TNR: variants seen among roughly 807,000 people sequenced by gnomAD.
The protein encoded by TNR is tenascin R.
A neutral mutation model predicts 150.4 loss-of-function variants in TNR; 45 were observed. The observed-to-expected ratio is 0.30, with a 90% CI of 0.24 to 0.38. The LOEUF is 0.38. Ranked by LOEUF, TNR falls within the 10% of genes least tolerant of loss-of-function variation. TNR has a pLI of 1.00. For synonymous variants in TNR, 687 were observed against 678.4 expected, an observed-to-expected ratio of 1.01 and a Z score of -0.20; for missense variants, 1,544 against 1,759.1, an observed-to-expected ratio of 0.88 and a Z score of 2.19.
intron 1 of TNR, among the ~76,000 whole-genome samples, chr1:175,706,184 A>G (rs1666838424): frequency 6.6e-6 from 1 of 152,250 alleles, no homozygotes; most frequent in Non-Finnish European, 1.5e-5. Flanking sequence ...CACGTATCAG[A>G]GATCTATCTT....
intron 7 of TNR, among the ~76,000 whole-genome samples, chr1:175,387,258 G>A (rs1652981687): frequency 6.6e-6 from 1 of 152,248 alleles, no homozygotes; most frequent in African/African-American, 2.4e-5. Context: ...ATGTCTGCAT[G>A]GCCAACATGC....
At chr1:175,621,609 A>C (rs1663980781) in intron 1 of TNR, among the ~76,000 whole-genome samples, 1 of 152,234 alleles carries the variant, frequency 6.6e-6, no homozygotes, top group Non-Finnish European at 1.5e-5. Flanking sequence ...AAGCATTGAC[A>C]CAGTTTCACA....
chr1:175,651,319 G>A (rs896324261), intron 1 of TNR, among the ~76,000 whole-genome samples: 1 of 151,812 alleles, frequency 6.6e-6, no homozygotes, highest in African/African-American at 2.4e-5. Context: ...CCAGGCAGAG[G>A]GTTCAGCATG....
intron 1 of TNR, among the ~76,000 whole-genome samples, chr1:175,649,082 G>C (rs879717442): frequency 2.6e-5 from 4 of 152,196 alleles, no homozygotes; most frequent in Non-Finnish European, 4.4e-5. Flanking sequence ...GCCCCTCCCT[G>C]CTTGGAGCTG....
rs193015946 is a variant in TNR, at chr1:175,684,112, C to A, written c.-165+59114G>T. ...GTGGAACCTCTGTGCTGGGTGTGTG[C>A]ATCAGACTGACTCAGTCACTGGAGG... On this transcript the variant is annotated intron_variant, in intron 1 of 22. Transcript: ENST00000367674. Among the ~76,000 whole-genome samples the A allele has an allele frequency of 2.0e-5, 3 of 152,336 alleles. No homozygotes were observed. In the East Asian group the frequency reaches 5.8e-4, roughly 29 times the overall value.
chr1:175,475,623 C>G (rs1016792288), intron 2 of TNR, among the ~76,000 whole-genome samples: 1 of 152,196 alleles, frequency 6.6e-6, no homozygotes, highest in Non-Finnish European at 1.5e-5. Flanking sequence ...CCTGCTGGAC[C>G]CTGTATCCTG....
chr1:175,389,556 A>AT, intron 7 of TNR, among the ~76,000 whole-genome samples: 1 of 152,316 alleles, frequency 6.6e-6, no homozygotes, highest in Middle Eastern at 3.4e-3. Flanking sequence ...ACGTTTCTAC[A>AT]TGGCTGTCCA....
intron 1 of TNR, among the ~76,000 whole-genome samples, chr1:175,564,440 G>C (rs1010877721): frequency 6.6e-6 from 1 of 152,194 alleles, no homozygotes; most frequent in African/African-American, 2.4e-5. Context: ...CGTGAGTGGT[G>C]GTTCTTTATT....
rs531228018 is a variant in TNR at position 175,669,839 on chromosome 1, C to G, written c.-165+73387G>C. On this transcript the variant is annotated intron_variant, in intron 1 of 22. Coordinates refer to ENST00000367674, the MANE Select transcript of TNR (RefSeq NM_003285.3). The stretch of plus-strand genomic sequence containing the variant: ...TTTAATGATGTCAGGAAAAAATGAC[C>G]TTTGCTGCCACCTTTACTGCTTCTG... Among the ~76,000 whole-genome samples, 3 of 152,292 alleles carry G rather than the reference C, an allele frequency of 2.0e-5. No individual in the cohort carries two copies. The South Asian group carries it at 6.2e-4, about 32-fold the overall frequency.
chr1:175,722,375 G>A lies in TNR; in HGVS notation c.-165+20851C>T, dbSNP rs570510882. 1.9e-4 allele frequency among the ~76,000 whole-genome samples: 29 copies of A among 152,268 alleles called. No individual in the cohort carries two copies. The South Asian group carries it at 5.6e-3, about 29-fold the overall frequency. On this transcript the variant is annotated intron_variant, in intron 1 of 22. Coordinates refer to ENST00000367674, the MANE Select transcript of TNR (RefSeq NM_003285.3). ...GACAGGGAAAGGGTTTATTCCTGTA[G>A]GTCATGAATGGACGCCAATACTTAT...
intron 1 of TNR, among the ~76,000 whole-genome samples, chr1:175,598,128 A>G (rs567085077): frequency 1.3e-5 from 2 of 152,344 alleles, no homozygotes; most frequent in South Asian, 4.1e-4. Context: ...CCGTCCTTGC[A>G]TTAGTCAAAC....
At chr1:175,461,686 T>C (rs1225157167) in intron 2 of TNR, among the ~76,000 whole-genome samples, 1 of 152,230 alleles carries the variant, frequency 6.6e-6, no homozygotes, top group Non-Finnish European at 1.5e-5. Context: ...CTGCTCACTA[T>C]TTTTTTCTGT....
intron 1 of TNR, among the ~76,000 whole-genome samples, chr1:175,570,516 C>A (rs996436902): frequency 3.3e-5 from 5 of 152,034 alleles, no homozygotes; most frequent in African/African-American, 9.7e-5. Context: ...CTGACTATAC[C>A]CCCAAAGACT....
intron 2 of TNR, among the ~76,000 whole-genome samples, chr1:175,431,588 G>A (rs1655261719): frequency 6.6e-6 from 1 of 152,030 alleles, no homozygotes; most frequent in African/African-American, 2.4e-5. Flanking sequence ...TACTTGGAGT[G>A]GGCACCATTT....
intron 1 of TNR, among the ~76,000 whole-genome samples, chr1:175,642,355 G>A (rs1322837056): frequency 6.6e-6 from 1 of 152,222 alleles, no homozygotes; most frequent in Admixed American, 6.5e-5. Flanking sequence ...AGGAAACTTG[G>A]CATGTTACTG....
At chr1:175,405,954 A>G (rs1020392586) in intron 3 of TNR, among the ~76,000 whole-genome samples, 5 of 152,200 alleles carry the variant, frequency 3.3e-5, no homozygotes, top group African/African-American at 1.2e-4. Flanking sequence ...AATCAGGTTA[A>G]TGTATTTCAA....
intron 1 of TNR, among the ~76,000 whole-genome samples, chr1:175,550,580 G>T (rs534702394): frequency 1.3e-5 from 2 of 150,464 alleles, no homozygotes; most frequent in Non-Finnish European, 2.9e-5. Flanking sequence ...AGCTGATAAT[G>T]CTTCTCCCTA....
chr1:175,364,937 A>T, intron 12 of TNR, 73 bp downstream of exon 12: 1 of 1,508,954 alleles, frequency 6.6e-7, no homozygotes, highest in South Asian at 1.3e-5. Flanking sequence ...TTCTCTTTTA[A>T]AATTTCATTG....
intron 1 of TNR, among the ~76,000 whole-genome samples, chr1:175,679,608 G>C (rs141791024): frequency 1.3e-5 from 2 of 152,198 alleles, no homozygotes; most frequent in Non-Finnish European, 2.9e-5. Flanking sequence ...CTGAGGAAAG[G>C]AGGGATTGGA....
Sources: gnomAD v4.1 joint callset for allele counts (sites outside exome capture counted in the v4.1 genomes callset) on GRCh38, gnomAD v4.1.1 for gene constraint, MANE v1.5 for transcripts, NCBI Gene and HGNC (gene_info 2026-07-23, HGNC 2026-07-21) for gene names.